The following PCDHA13 variants were observed in gnomAD, a reference collection of about 807,000 sequenced individuals.
PCDHA13 encodes protocadherin alpha 13.
PCDHA13 carries 54 observed loss-of-function variants against 64.8 expected under a neutral mutation model. The ratio of observed to expected loss-of-function variants is 0.83; its 90% CI spans 0.67 to 1.04. The LOEUF (loss-of-function observed/expected upper bound fraction) is 1.04. Among genes scored for constraint, PCDHA13 ranks in the 50% least tolerant of loss-of-function variants. PCDHA13 has a pLI of 0.00. For missense variants in PCDHA13, 1,248 were observed against 1,254.3 expected (o/e 0.99, Z 0.08); for synonymous variants, 587 against 564.4 (o/e 1.04, Z -0.57).
intron 1 of PCDHA13, among the ~76,000 whole-genome samples, chr5:140,963,204 AAACCTCGTGTT>A (rs2095746581): frequency 6.6e-6 from 1 of 152,104 alleles, no homozygotes; most frequent in South Asian, 2.1e-4. Context: ...ATGAAAAAAA[AAACCTCGTGTT>A]TAGAGTAGAC....
At position 140,884,600 on chromosome 5, in the gene PCDHA13, C is replaced by G; in HGVS notation, c.2332C>G (p.Pro778Ala). The G allele has an allele frequency of 6.2e-7, 1 of 1,614,150 alleles. No homozygotes were observed. Among genetic ancestry groups the G allele is most frequent in the African/African-American group, 1.3e-5 (1 of 75,068 alleles). The change falls in exon 1 of 4, where the codon CCT (proline) becomes GCT (alanine). Residue 778 changes from proline to alanine, a missense_variant. Transcript: ENST00000289272. ...CATGGCCTTCAGTCCCAGCCTTCCT[C>G]CTTGTCTGGGTTCTGCAGAGGGAAC... ...DLMAFSPSLP[P>A]CLGSAEGTGQ...
chr5:140,942,633 G>A (rs1554215141), intron 1 of PCDHA13, among the ~76,000 whole-genome samples: 1 of 151,496 alleles, frequency 6.6e-6, no homozygotes, highest in Admixed American at 6.6e-5. Context: ...AAAAAAAATG[G>A]CAAAAGAGAT....
intron 1 of PCDHA13, among the ~76,000 whole-genome samples, chr5:140,890,624 T>C (rs1487627842): frequency 6.6e-6 from 1 of 152,202 alleles, no homozygotes; most frequent in Non-Finnish European, 1.5e-5. Context: ...CCTAGAAAAT[T>C]AAGCATGTAT....
chr5:140,895,670 G>A (rs551602030), intron 1 of PCDHA13, among the ~76,000 whole-genome samples: 2 of 152,132 alleles, frequency 1.3e-5, no homozygotes, highest in African/African-American at 2.4e-5. Context: ...AGAACATGTA[G>A]TATTTGGTTT....
At chr5:140,972,612 C>T (rs1554234244) in intron 1 of PCDHA13, among the ~76,000 whole-genome samples, 2 of 151,080 alleles carry the variant, frequency 1.3e-5, no homozygotes, top group African/African-American at 4.9e-5. Context: ...GAACTTGATA[C>T]TGAATGTTGT....
chr5:140,972,391 C>T (rs1554234093), intron 1 of PCDHA13, among the ~76,000 whole-genome samples: 3 of 151,490 alleles, frequency 2.0e-5, no homozygotes, highest in African/African-American at 7.3e-5. Flanking sequence ...TGTTTATTTG[C>T]TTCACTATTG....
chr5:140,967,963 A>G (rs1554230144), intron 1 of PCDHA13: 1 of 1,614,210 alleles, frequency 6.2e-7, no homozygotes, highest in South Asian at 1.1e-5. Flanking sequence ...CCAACCGGAA[A>G]GTGAGCCTGG....
At chr5:140,999,973 C>A (rs1370727292) in intron 3 of PCDHA13, among the ~76,000 whole-genome samples, 2 of 152,082 alleles carry the variant, frequency 1.3e-5, no homozygotes, top group African/African-American at 4.8e-5. Context: ...AGTAGCAGCT[C>A]TAGCGGCCTC....
chr5:140,972,213 C>T (rs1312530794), intron 1 of PCDHA13, among the ~76,000 whole-genome samples: 3 of 151,932 alleles, frequency 2.0e-5, no homozygotes, highest in African/African-American at 7.3e-5. Flanking sequence ...GAATATGGCT[C>T]ACTGCAGCCT....
intron 1 of PCDHA13, among the ~76,000 whole-genome samples, chr5:140,926,036 C>A (rs2082873940): frequency 6.6e-6 from 1 of 152,168 alleles, no homozygotes; most frequent in South Asian, 2.1e-4. Context: ...TTGATGCGGA[C>A]ACTATTCCCC....
intron 1 of PCDHA13, among the ~76,000 whole-genome samples, chr5:140,900,150 C>T (rs265315): frequency 0.046 from 7,055 of 152,208 alleles, 291 homozygotes; most frequent in African/African-American, 0.11. Context: ...TAAGAACATA[C>T]GATATTTGTC....
intron 1 of PCDHA13, chr5:140,929,247 T>G (rs2085977234): frequency 1.9e-6 from 3 of 1,613,780 alleles, no homozygotes. Flanking sequence ...ATCTTGCCAC[T>G]GGGGTAGGAC....
At chr5:140,898,306 G>A (rs192633483) in intron 1 of PCDHA13, among the ~76,000 whole-genome samples, 25 of 152,228 alleles carry the variant, frequency 1.6e-4, no homozygotes, top group Non-Finnish European at 3.1e-4. Flanking sequence ...TTTCTTCTAG[G>A]GTTTTTATGG....
At chr5:141,000,120 C>G (rs1554257146) in intron 3 of PCDHA13, among the ~76,000 whole-genome samples, 1 of 152,052 alleles carries the variant, frequency 6.6e-6, no homozygotes, top group African/African-American at 2.4e-5. Flanking sequence ...CCCTCATCCC[C>G]AAGGCTTCAC....
chr5:140,943,257 C>CA (rs1238620023), intron 1 of PCDHA13, among the ~76,000 whole-genome samples: 3,333 of 76,804 alleles, frequency 0.043, 169 homozygotes, highest in Admixed American at 0.1. Context: ...GACTCTGTCT[C>CA]AAAAAAAAAA....
rs1297383367 is a variant in PCDHA13 at position 140,898,744 on chromosome 5, G to T, written c.2394+14082G>T. ...CTGTGAAGAAAGTCATTGGTAGCTT[G>T]ATGGGGATGGCATTGAATCTGTAAA... is the stretch of plus-strand genomic sequence containing the variant. On this transcript the variant is annotated intron_variant, in intron 1 of 3. Coordinates refer to ENST00000289272, the MANE Select transcript of PCDHA13 (RefSeq NM_018904.3). 1.1e-4 allele frequency among the ~76,000 whole-genome samples: 17 copies of T among 152,248 alleles called. 2 individuals are homozygous for T. Among genetic ancestry groups the T allele is most frequent in the East Asian group, 7.7e-4 (4 of 5,188 alleles).
At position 141,011,317 on chromosome 5, in the gene PCDHA13, T is replaced by C. The variant is rs1554263417; in HGVS notation, c.*1380T>C. On this transcript the variant is annotated 3_prime_UTR_variant, in exon 4 of 4. Transcript: ENST00000289272. ...TAACACTCTGAATTGCTAATCTTAC[T>C]AACACCTATGATGTTACCTGAAATC... 1 of 153,818 alleles carries C rather than the reference T, an allele frequency of 6.5e-6. No homozygotes were observed. The highest frequency in any genetic ancestry group is 2.4e-5 in the African/African-American group (1 of 41,470). 9.5% of individuals were successfully genotyped at this position (153,818 alleles called of 1,614,324 possible).
intron 1 of PCDHA13, among the ~76,000 whole-genome samples, chr5:140,944,057 G>A (rs1394005045): frequency 1.3e-5 from 2 of 152,130 alleles, no homozygotes; most frequent in African/African-American, 4.8e-5. Context: ...GATACAAAAA[G>A]GTTTCTTGTT....
Position 141,010,907 on chromosome 5 carries a change from C to G in PCDHA13, c.*970C>G, listed in dbSNP as rs2098418753. 6.5e-6 allele frequency: 1 copy of G among 153,766 alleles called. No individual in the cohort carries two copies. 9.5% of individuals were successfully genotyped at this position (153,766 alleles called of 1,614,324 possible). A position where few individuals can be genotyped will look rare whatever the true frequency, so the allele number is the denominator to read the frequency against. ...GAAATATGAATACAATTCCCCTAAACTCTCCTCAAAAGAGAATTCAGTCTA... is the reference window on the plus strand; with the variant it reads ...GAAATATGAATACAATTCCCCTAAAGTCTCCTCAAAAGAGAATTCAGTCTA... On this transcript the variant is annotated 3_prime_UTR_variant, in exon 4 of 4. Coordinates refer to ENST00000289272, the MANE Select transcript of PCDHA13 (RefSeq NM_018904.3).
Sources: allele counts gnomAD v4.1 joint callset (sites outside exome capture counted in the v4.1 genomes callset), GRCh38; gene constraint gnomAD v4.1.1; transcripts MANE v1.5; gene names NCBI Gene and HGNC (gene_info 2026-07-23, HGNC 2026-07-21).